WDFY4: variants seen among roughly 807,000 people sequenced by gnomAD.
WDFY4 encodes the protein WD repeat- and FYVE domain-containing protein 4.
A neutral mutation model predicts 351.9 loss-of-function variants in WDFY4; 169 were observed. The observed-to-expected ratio is 0.48, with a 90% CI of 0.42 to 0.55. WDFY4 has a LOEUF of 0.55. Among genes scored for constraint, WDFY4 ranks in the 20% least tolerant of loss-of-function variants. WDFY4 has a pLI of 0.00. For missense variants in WDFY4, 3,803 were observed against 3,935.6 expected (o/e 0.97, Z 0.90); for synonymous variants, 1,622 against 1,574.6 (o/e 1.03, Z -0.71).
intron 47 of WDFY4, among the ~76,000 whole-genome samples, chr10:48,928,394 G>GTT (rs386371314): frequency 6.7e-6 from 1 of 149,508 alleles, no homozygotes; most frequent in Non-Finnish European, 1.5e-5. Flanking sequence ...GTGTGTGTGT[G>GTT]TGTTGGTGGG....
At chr10:48,753,528 G>T (rs1302039623) in intron 12 of WDFY4, among the ~76,000 whole-genome samples, 1 of 152,130 alleles carries the variant, frequency 6.6e-6, no homozygotes, top group Non-Finnish European at 1.5e-5. Context: ...TTCATTTTGA[G>T]TTAATTTTTG....
intron 47 of WDFY4, chr10:48,913,456 T>C: frequency 6.2e-7 from 1 of 1,613,672 alleles, no homozygotes; most frequent in African/African-American, 1.3e-5. Flanking sequence ...AAGATGGTCT[T>C]TCTCGGTGTC....
intron 44 of WDFY4, among the ~76,000 whole-genome samples, chr10:48,893,030 G>A (rs1265853457): frequency 6.6e-6 from 1 of 152,218 alleles, no homozygotes; most frequent in African/African-American, 2.4e-5. Context: ...TAGTCCTAGA[G>A]GCTGGCAGCA....
intron 51 of WDFY4, among the ~76,000 whole-genome samples, chr10:48,955,305 CTG>C (rs1841532324): frequency 6.6e-6 from 1 of 152,232 alleles, no homozygotes; most frequent in Admixed American, 6.5e-5. Context: ...TGCCCATGTG[CTG>C]TGTTTGCTTG....
intron 35 of WDFY4, among the ~76,000 whole-genome samples, chr10:48,824,938 AC>A (rs1206191147): frequency 6.6e-6 from 1 of 152,142 alleles, no homozygotes; most frequent in Non-Finnish European, 1.5e-5. Context: ...GAGCCACCAT[AC>A]CCAGCCATGT....
intron 43 of WDFY4, among the ~76,000 whole-genome samples, chr10:48,885,296 A>T (rs1365446746): frequency 6.6e-6 from 1 of 152,208 alleles, no homozygotes; most frequent in Non-Finnish European, 1.5e-5. Context: ...AATGCCCCAA[A>T]TCCATGAGTC....
At chr10:48,889,909 G>T (rs555395694) in intron 43 of WDFY4, among the ~76,000 whole-genome samples, 5 of 152,332 alleles carry the variant, frequency 3.3e-5, no homozygotes, top group African/African-American at 1.2e-4. Context: ...ACTCCACATT[G>T]TCCAGTTGTT....
At chr10:48,852,085 T>C (rs753509494) in intron 39 of WDFY4, among the ~76,000 whole-genome samples, 9 of 152,234 alleles carry the variant, frequency 5.9e-5, no homozygotes, top group Non-Finnish European at 1.0e-4. Flanking sequence ...ATGTGCTACA[T>C]TCACTGCTGT....
At chr10:48,775,243 G>A (rs1219460836) in intron 14 of WDFY4, among the ~76,000 whole-genome samples, 1 of 152,170 alleles carries the variant, frequency 6.6e-6, no homozygotes, top group Admixed American at 6.5e-5. Flanking sequence ...GAAGCTACTG[G>A]GGAGGGCAGG....
At chr10:48,850,826 C>A (rs2068933609) in intron 39 of WDFY4, among the ~76,000 whole-genome samples, 1 of 152,166 alleles carries the variant, frequency 6.6e-6, no homozygotes, top group Admixed American at 6.5e-5. Context: ...GCACATCTCT[C>A]CCTGGCCTCA....
At chr10:48,959,070 T>C (rs1458941565) in intron 52 of WDFY4, among the ~76,000 whole-genome samples, 1 of 152,214 alleles carries the variant, frequency 6.6e-6, no homozygotes, top group African/African-American at 2.4e-5. Context: ...AGATAATTCC[T>C]GTCATCACCT....
chr10:48,823,742 G>A, intron 35 of WDFY4: 1 of 991,856 alleles, frequency 1.0e-6, no homozygotes. Context: ...GCCAGTGGGG[G>A]CCACCGTGCT....
At chr10:48,977,586 G>A (rs979667726) in intron 59 of WDFY4, among the ~76,000 whole-genome samples, 21 of 152,244 alleles carry the variant, frequency 1.4e-4, no homozygotes, top group African/African-American at 5.1e-4. Flanking sequence ...GGGATGGCCT[G>A]GGCTTGGTGG....
chr10:48,795,518 TATATACATATATATATAC>T (rs1262346154), intron 23 of WDFY4, among the ~76,000 whole-genome samples: 3 of 96,134 alleles, frequency 3.1e-5, no homozygotes, highest in African/African-American at 1.8e-4. Flanking sequence ...TATATATATA[TATATACATATATATATAC>T]ACACACATGA....
chr10:48,896,600 T>G (rs1837089878), intron 44 of WDFY4, among the ~76,000 whole-genome samples: 2 of 151,896 alleles, frequency 1.3e-5, no homozygotes, highest in African/African-American at 2.4e-5. Context: ...GCTGTGCAGA[T>G]GAGCTCTAGG....
intron 35 of WDFY4, among the ~76,000 whole-genome samples, chr10:48,826,468 T>A (rs1370191796): frequency 6.6e-6 from 1 of 152,266 alleles, no homozygotes; most frequent in Non-Finnish European, 1.5e-5. Flanking sequence ...TTTGGCTCCA[T>A]ATGAATTTTA....
chr10:48,823,398 G>C (rs2067894319), intron 35 of WDFY4: 1 of 1,215,474 alleles, frequency 8.2e-7, no homozygotes, highest in South Asian at 1.5e-5. Flanking sequence ...GCAGAATTAG[G>C]AGGACCACTC....
intron 39 of WDFY4, among the ~76,000 whole-genome samples, chr10:48,845,261 C>G (rs941161930): frequency 6.6e-6 from 1 of 152,206 alleles, no homozygotes; most frequent in Non-Finnish European, 1.5e-5. Flanking sequence ...GTATTTTCAT[C>G]TGGCTCTAGC....
In WDFY4 at chr10:48,720,112, G is replaced by C. The variant is rs939126007; in HGVS notation, c.336G>C (p.Val112=). 7 of 1,551,718 alleles carry C rather than the reference G, an allele frequency of 4.5e-6. No individual in the cohort carries two copies. The African/African-American group carries it at 8.2e-5, about 18-fold the overall frequency. The change falls in exon 3 of 62, where the codon GTG becomes GTC. Residue 112 remains valine, a synonymous_variant. Transcript: ENST00000325239. ...QLAQQLQKAL[V]GKPAEQARLA... is the part of the protein sequence containing the mutation. ...CCCAGCAACTCCAGAAGGCCCTTGT[G>C]GGGAAGCCTGCGGGTAAGAGCATGG...
Sources: allele counts gnomAD v4.1 joint callset (sites outside exome capture counted in the v4.1 genomes callset), GRCh38; gene constraint gnomAD v4.1.1; transcripts MANE v1.5; gene names NCBI Gene and HGNC (gene_info 2026-07-23, HGNC 2026-07-21).